The following USP34 variants were observed in gnomAD, a reference collection of about 807,000 sequenced individuals.
USP34 encodes ubiquitin specific peptidase 34.
Under a neutral mutation model 460.3 loss-of-function variants are expected in USP34, and 70 were observed. The ratio of observed to expected loss-of-function variants is 0.15; its 90% confidence interval spans 0.13 to 0.19. USP34 has a LOEUF of 0.19. USP34 is among the 10% of genes least tolerant of loss of function. USP34 has a pLI of 1.00. For missense variants in USP34, 3,985 were observed against 4,236.2 expected, an observed-to-expected ratio of 0.94 and a Z score of 1.65; for synonymous variants, 1,647 against 1,405.3, an observed-to-expected ratio of 1.17 and a Z score of -3.85.
At chr2:61,331,712 A>C (rs1187121012) in intron 19 of USP34, among the ~76,000 whole-genome samples, 2 of 152,050 alleles carry the variant, frequency 1.3e-5, no homozygotes, top group East Asian at 3.8e-4. Flanking sequence ...AATATCTGGC[A>C]TACAGAAGGC....
chr2:61,384,672 C>G (rs1056964403), intron 5 of USP34, among the ~76,000 whole-genome samples: 1 of 151,020 alleles, frequency 6.6e-6, no homozygotes. Context: ...GACCATGTCT[C>G]AAAACAAAAA....
chr2:61,411,849 T>A (rs1558579137), intron 2 of USP34, among the ~76,000 whole-genome samples: 1 of 152,104 alleles, frequency 6.6e-6, no homozygotes, highest in Non-Finnish European at 1.5e-5. Flanking sequence ...TAATAAGATA[T>A]GCGAGAAAAA....
chr2:61,189,000 T>C lies in USP34; in HGVS notation c.9943A>G (p.Thr3315Ala), dbSNP rs375328150. ...PKQLNPALIP[T>A]LQELLSKCRT... ...CATTTGCTTAAAAGCTCTTGCAGAG[T>C]TGGAATTAGAGCTGGGTTTAACTGT... The change falls in exon 79 of 80, where the codon ACT (threonine) becomes GCT (alanine). Residue 3315 changes from threonine (T) to alanine (A), a missense_variant. By Grantham distance (58) the Thr-to-Ala change is moderately conservative. Around this residue, in one of 14 missense-constraint regions of USP34, gnomAD observed 506 missense variants for 439.0 expected, o/e 1.15. Transcript: ENST00000398571. 19 of 1,614,040 alleles carry C rather than the reference T, an allele frequency of 1.2e-5. No individual in the cohort carries two copies. In the African/African-American group the frequency reaches 2.0e-4, roughly 17 times the overall value.
chr2:61,324,234 A>C (rs985437776), intron 21 of USP34, among the ~76,000 whole-genome samples: 1 of 152,220 alleles, frequency 6.6e-6, no homozygotes, highest in Non-Finnish European at 1.5e-5. Flanking sequence ...CTCTTGTGAG[A>C]CCATCTATAA....
At chr2:61,344,640 G>A (rs1208444934) in intron 15 of USP34, among the ~76,000 whole-genome samples, 1 of 152,216 alleles carries the variant, frequency 6.6e-6, no homozygotes, top group Non-Finnish European at 1.5e-5. Flanking sequence ...TAGGTCTTGT[G>A]AGGTATGGAA....
Position 61,346,195 on chromosome 2 carries a change from G to A in USP34, c.2285+1675C>T, listed in dbSNP as rs2103772398. The A allele has an allele frequency of 1.3e-5, 2 of 152,008 alleles. 1 individual carries two copies. Among genetic ancestry groups the A allele is most frequent in the South Asian group, 4.2e-4 (2 of 4,798 alleles). The allele number at this position is 152,008 out of a possible 1,614,324, so 9.4% of individuals were successfully genotyped here. On this transcript the variant is annotated intron_variant, in intron 15 of 79. Transcript: ENST00000398571. ...GTGTTATCCAATATAATACCAACTA[G>A]CCATATGTGACCATTACACACATAA...
chr2:61,261,383 T>C (rs1688873677), intron 43 of USP34, among the ~76,000 whole-genome samples: 2 of 152,062 alleles, frequency 1.3e-5, no homozygotes, highest in African/African-American at 4.8e-5. Context: ...ATATCCTAAG[T>C]GAAATAAGCC....
In USP34 at chr2:61,188,025, ACAAATAAG is replaced by A; in HGVS notation, c.*69_*76del. 1 of 1,527,174 alleles carries A rather than the reference ACAAATAAG, an allele frequency of 6.5e-7. No homozygotes were observed. Among genetic ancestry groups the A allele is most frequent in the Non-Finnish European group, 8.8e-7 (1 of 1,140,668 alleles). 94.6% of individuals were successfully genotyped at this position (1,527,174 alleles called of 1,614,324 possible). On this transcript the variant is annotated 3_prime_UTR_variant, in exon 80 of 80. Transcript: ENST00000398571. Reference sequence around the variant, plus strand: ...GCACTGGACAAACTGAAGCACAAAAACAAATAAGCAAAACTTATACAAACAGCATGGGG... The same window carrying A: ...GCACTGGACAAACTGAAGCACAAAAACAAAACTTATACAAACAGCATGGGG...
intron 75 of USP34, among the ~76,000 whole-genome samples, chr2:61,198,700 C>T (rs1224016326): frequency 1.3e-5 from 2 of 152,066 alleles, no homozygotes; most frequent in African/African-American, 4.8e-5. Flanking sequence ...GAAACCTCAT[C>T]TCTAATAAAA....
intron 27 of USP34, among the ~76,000 whole-genome samples, chr2:61,307,826 T>C (rs1027876929): frequency 5.3e-5 from 8 of 151,936 alleles, no homozygotes; most frequent in Non-Finnish European, 8.8e-5. Context: ...GGGGGGAGGA[T>C]AGCTTGAGAC....
intron 1 of USP34, among the ~76,000 whole-genome samples, chr2:61,466,919 T>A (rs911118808): frequency 4.7e-5 from 7 of 148,396 alleles, no homozygotes; most frequent in Non-Finnish European, 8.9e-5. Context: ...AAAAAAAAAA[T>A]TTATTACACT....
At chr2:61,341,303 T>C (rs186247894) in intron 16 of USP34, among the ~76,000 whole-genome samples, 29 of 152,254 alleles carry the variant, frequency 1.9e-4, no homozygotes, top group African/African-American at 7.0e-4. Flanking sequence ...TTCTCTTGAG[T>C]AAAAACCTAA....
chr2:61,393,775 C>T (rs546703485), intron 5 of USP34, among the ~76,000 whole-genome samples: 48 of 152,096 alleles, frequency 3.2e-4, no homozygotes, highest in African/African-American at 1.2e-3. Flanking sequence ...TTTGCTTTAC[C>T]AATTTTTTAA....
chr2:61,374,159 G>GAA lies in USP34; in HGVS notation c.1077-3582_1077-3581dup, dbSNP rs76561805. Among the ~76,000 whole-genome samples the GAA allele has an allele frequency of 9.1e-3, 1,068 of 117,668 alleles. 15 individuals are homozygous for GAA. Among genetic ancestry groups the GAA allele is most frequent in the African/African-American group, 0.031 (966 of 31,212 alleles). 77.2% of individuals were successfully genotyped at this position (117,668 alleles called of 152,430 possible). On this transcript the variant is annotated intron_variant, in intron 8 of 79. Coordinates refer to ENST00000398571, the MANE Select transcript of USP34 (RefSeq NM_014709.4). ...CAATAGAGCGAGACTCCATCTCAGGGAAAAAAAAAAAAAAAAAAACAGAGA... is the reference window on the plus strand; with the variant it reads ...CAATAGAGCGAGACTCCATCTCAGGGAAAAAAAAAAAAAAAAAAAAACAGAGA...
chr2:61,298,791 A>G (rs998671376), intron 29 of USP34, among the ~76,000 whole-genome samples: 2 of 151,718 alleles, frequency 1.3e-5, no homozygotes, highest in African/African-American at 2.4e-5. Flanking sequence ...AAAAAAAAAA[A>G]TCATTTAGGT....
At chr2:61,269,889 C>T (rs932716285) in intron 41 of USP34, among the ~76,000 whole-genome samples, 1 of 152,024 alleles carries the variant, frequency 6.6e-6, no homozygotes, top group East Asian at 1.9e-4. Flanking sequence ...CCTGTGATTT[C>T]AAGCATTTAT....
At chr2:61,194,965 A>C (rs368338303) in intron 75 of USP34, among the ~76,000 whole-genome samples, 88 of 152,174 alleles carry the variant, frequency 5.8e-4, no homozygotes, top group African/African-American at 2.1e-3. Flanking sequence ...AAAAAAAAAA[A>C]AAAAAGTTTT....
Position 61,429,495 on chromosome 2 carries a change from C to T in USP34, c.44-8662G>A, listed in dbSNP as rs569238183. ...AAATAAAATTAGCTGGGTGTGGTAGCATGCACCTGTAGTCCTAGCTACCCA... is the reference window on the plus strand; with the variant it reads ...AAATAAAATTAGCTGGGTGTGGTAGTATGCACCTGTAGTCCTAGCTACCCA... On this transcript the variant is annotated intron_variant, in intron 1 of 79. Transcript: ENST00000398571. 2.6e-5 allele frequency among the ~76,000 whole-genome samples: 4 copies of T among 152,118 alleles called. No homozygotes were observed. In the East Asian group the frequency reaches 7.7e-4, roughly 29 times the overall value.
In USP34 at chr2:61,395,007, G is replaced by C. The variant is rs767154632; in HGVS notation, c.604-5C>G. The C allele has an allele frequency of 1.3e-6, 2 of 1,569,194 alleles. No homozygotes were observed. The highest frequency in any genetic ancestry group is 1.7e-6 in the Non-Finnish European group (2 of 1,165,546). ...ATGCAATGGTACTTCTACATCCTGG[G>C]AAAATAAAGAAAACATGTCATTATT... is the stretch of plus-strand genomic sequence containing the variant. On this transcript the variant is annotated splice_polypyrimidine_tract_variant and splice_region_variant and intron_variant, in intron 4 of 79. Transcript: ENST00000398571.
Sources: allele counts gnomAD v4.1 joint callset (sites outside exome capture counted in the v4.1 genomes callset), GRCh38; gene constraint gnomAD v4.1.1; regional missense constraint gnomAD v4.1.1; transcripts MANE v1.5; gene names NCBI Gene and HGNC (gene_info 2026-07-23, HGNC 2026-07-21).